The following CCT7 variants were observed in gnomAD, a reference collection of about 807,000 sequenced individuals.
CCT7 encodes chaperonin containing TCP1 subunit 7.
A neutral mutation model predicts 56.6 loss-of-function variants in CCT7; 16 were observed. The observed-to-expected ratio is 0.28, with a 90% CI of 0.19 to 0.43. CCT7 has a LOEUF of 0.43. Among genes scored for constraint, CCT7 ranks in the 20% least tolerant of loss-of-function variants. The pLI, the probability that CCT7 is intolerant of heterozygous loss-of-function variation, is 1.00. For missense variants in CCT7, 519 were observed against 685.6 expected (o/e 0.76, Z 2.71); for synonymous variants, 262 against 254.8 (o/e 1.03, Z -0.27).
chr2:73,239,985 C>A (rs934627473), intron 2 of CCT7, 189 bp downstream of exon 2: 5 of 547,106 alleles, frequency 9.1e-6, no homozygotes, highest in Admixed American at 7.0e-5. Flanking sequence ...TATGAGAGAA[C>A]CTAGGCTCAG....
intron 6 of CCT7, among the ~76,000 whole-genome samples, chr2:73,247,232 A>G (rs1687377257): frequency 6.6e-6 from 1 of 152,082 alleles, no homozygotes; most frequent in African/African-American, 2.4e-5. Context: ...CATCTTCTGG[A>G]GGGAGGAAGC....
At chr2:73,237,348 A>G (rs1397797504) in intron 1 of CCT7, among the ~76,000 whole-genome samples, 1 of 152,206 alleles carries the variant, frequency 6.6e-6, no homozygotes, top group Non-Finnish European at 1.5e-5. Context: ...ATACACAAGC[A>G]TTGGGTAAGT....
intron 7 of CCT7, among the ~76,000 whole-genome samples, chr2:73,248,563 C>T (rs1034200371): frequency 1.6e-4 from 24 of 152,080 alleles, no homozygotes; most frequent in Non-Finnish European, 2.5e-4. Context: ...CCATGTTGGC[C>T]AGGCTGGTCT....
intron 1 of CCT7, among the ~76,000 whole-genome samples, chr2:73,238,324 G>C (rs536567272): frequency 6.6e-6 from 1 of 152,320 alleles, no homozygotes; most frequent in East Asian, 1.9e-4. Context: ...TCTGGTTCCT[G>C]CCTGCCTCTT....
At chr2:73,242,953 C>T in intron 3 of CCT7, 51 bp from the exon 4 acceptor site, 1 of 1,609,430 alleles carries the variant, frequency 6.2e-7, no homozygotes, top group Non-Finnish European at 8.5e-7. Flanking sequence ...AGTTTCAGGG[C>T]TTTATTCCCT....
In CCT7 at chr2:73,252,665, T is replaced by C; in HGVS notation, c.1436T>C (p.Ile479Thr). The C allele has an allele frequency of 6.2e-7, 1 of 1,614,130 alleles. No homozygotes were observed. The highest frequency in any genetic ancestry group is 8.5e-7 in the Non-Finnish European group (1 of 1,179,968). The change falls in exon 12 of 12, where the codon ATC becomes ACC. Residue 479 changes from isoleucine to threonine, a missense_variant. Ile to Thr is a moderately conservative substitution (Grantham distance 89). Transcript: ENST00000258091. ...AQGGTWYGVD[I>T]NNEDIADNFE... ...GGGGGTACATGGTATGGAGTAGACATCAACAACGAGGACATTGCTGACAAC... is the reference window on the plus strand; with the variant it reads ...GGGGGTACATGGTATGGAGTAGACACCAACAACGAGGACATTGCTGACAAC...
chr2:73,251,394 A>G lies in CCT7; in HGVS notation c.1372A>G (p.Thr458Ala), dbSNP rs1475535841. The part of the protein sequence containing the change: ...QLCDNAGFDA[T>A]NILNKLRARH... ...GTGTGACAATGCTGGCTTTGATGCC[A>G]CAAACATTCTCAACAAGCTGCGGGC... Residue 458 changes from threonine to alanine, a missense_variant, in exon 11 of 12, where the codon ACA (threonine) becomes GCA (alanine). This residue lies in a region of CCT7 where 237 missense variants were observed against 300.8 expected (regional missense o/e 0.79). Coordinates refer to ENST00000258091, the MANE Select transcript of CCT7 (RefSeq NM_006429.4). 6.2e-7 allele frequency: 1 copy of G among 1,613,946 alleles called. No homozygotes were observed. Among genetic ancestry groups the G allele is most frequent in the East Asian group, 2.2e-5 (1 of 44,866 alleles).
At position 73,240,447 on chromosome 2, in the gene CCT7, A is replaced by G; in HGVS notation, c.171A>G (p.Thr57=). The G allele has an allele frequency of 2.5e-6, 4 of 1,610,720 alleles. No individual in the cohort carries two copies. Among genetic ancestry groups the G allele is most frequent in the Non-Finnish European group, 2.5e-6 (3 of 1,178,208 alleles). Residue 57 remains threonine, a synonymous_variant, in exon 3 of 12, where the codon ACA becomes ACG. Coordinates refer to ENST00000258091, the MANE Select transcript of CCT7 (RefSeq NM_006429.4). Reference sequence around the variant, plus strand: ...TTTGTTTCTTTTAAGGCAAAGCAACAATTTCTAATGATGGGGCCACAATTC... The same window carrying G: ...TTTGTTTCTTTTAAGGCAAAGCAACGATTTCTAATGATGGGGCCACAATTC... ...KLIVDGRGKA[T]ISNDGATILK...
Position 73,241,854 on chromosome 2 carries a change from C to A in CCT7, c.268-1150C>A, listed in dbSNP as rs371306644. On this transcript the variant is annotated intron_variant, in intron 3 of 11. Transcript: ENST00000258091. ...CTCCTGGGATCAAGCAATTCTCTTG[C>A]CTCAGCCTCCCGAGTAGCTGAGATT... Among the ~76,000 whole-genome samples the A allele has an allele frequency of 1.5e-4, 23 of 151,786 alleles. No homozygotes were observed. The East Asian group carries it at 4.5e-3, about 30-fold the overall frequency.
At position 73,249,803 on chromosome 2, in the gene CCT7, C is replaced by T. The variant is rs184247366; in HGVS notation, c.973-16C>T. 99 of 1,591,292 alleles carry T rather than the reference C, an allele frequency of 6.2e-5. No homozygotes were observed. In the Admixed American group the frequency reaches 1.2e-3, roughly 19 times the overall value. On this transcript the variant is annotated splice_polypyrimidine_tract_variant and intron_variant, in intron 8 of 11. Transcript: ENST00000258091. ...GGGAACCTTCACTGCTAGATCTTGC[C>T]TTCCTTGCTCCCTAGGCCTGTGGAG...
chr2:73,247,280 G>A (rs557891397), intron 6 of CCT7, among the ~76,000 whole-genome samples: 1 of 152,290 alleles, frequency 6.6e-6, no homozygotes, highest in East Asian at 1.9e-4. Flanking sequence ...GGGGTGTGGG[G>A]GTGGAGGGTG....
At chr2:73,236,648 A>G (rs1381901210) in intron 1 of CCT7, among the ~76,000 whole-genome samples, 1 of 152,054 alleles carries the variant, frequency 6.6e-6, no homozygotes, top group Non-Finnish European at 1.5e-5. Context: ...CTTGTTTCTT[A>G]TTTATTAGAG....
At chr2:73,246,210 ACTCAC>A (rs1558567227) in intron 6 of CCT7, among the ~76,000 whole-genome samples, 3 of 151,982 alleles carry the variant, frequency 2.0e-5, no homozygotes, top group African/African-American at 7.3e-5. Flanking sequence ...TATCTTTAGT[ACTCAC>A]CTCTCCTCTG....
chr2:73,251,459 A>AT, intron 11 of CCT7, 27 bp downstream of exon 11: 1 of 515,398 alleles, frequency 1.9e-6, no homozygotes, highest in Non-Finnish European at 3.7e-6. Context: ...CCCAGGGTTC[A>AT]GGGTTTGGGC....
intron 6 of CCT7, among the ~76,000 whole-genome samples, chr2:73,247,005 A>T (rs1481160427): frequency 2.0e-5 from 3 of 152,184 alleles, no homozygotes; most frequent in Non-Finnish European, 4.4e-5. Flanking sequence ...TAAGGAAAAG[A>T]TCTGAGATTG....
chr2:73,235,908 G>T (rs987902104), intron 1 of CCT7, among the ~76,000 whole-genome samples: 2 of 152,114 alleles, frequency 1.3e-5, no homozygotes, highest in African/African-American at 4.8e-5. Flanking sequence ...TTCACCAGTG[G>T]GCTCTAGATC....
chr2:73,244,065 G>GTT lies in CCT7; in HGVS notation c.446+32_446+33dup, dbSNP rs11289471. ...CAGATAAAGTGTAAGTCTGTAGTGG[G>GTT]TTTTTTTTTTTTTTTTTAAAGAGAC... On this transcript the variant is annotated intron_variant, in intron 5 of 11. Coordinates refer to ENST00000258091, the MANE Select transcript of CCT7 (RefSeq NM_006429.4). The GTT allele has an allele frequency of 4.0e-3, 5,693 of 1,416,786 alleles. No individual in the cohort carries two copies. The highest frequency in any genetic ancestry group is 6.6e-3 in the South Asian group (505 of 76,752). The allele number at this position is 1,416,786 out of a possible 1,614,324, so 87.8% of individuals were successfully genotyped here.
Position 73,248,031 on chromosome 2 carries a change from C to G in CCT7, c.783+105C>G, listed in dbSNP as rs556892501. 8.8e-5 allele frequency: 86 copies of G among 979,338 alleles called. No homozygotes were observed. In the African/African-American group the frequency reaches 1.3e-3, roughly 14 times the overall value. 60.7% of individuals were successfully genotyped at this position (979,338 alleles called of 1,614,324 possible). A position where few individuals can be genotyped will look rare whatever the true frequency, so the allele number is the denominator to read the frequency against. On this transcript the variant is annotated intron_variant, in intron 7 of 11. Coordinates refer to ENST00000258091, the MANE Select transcript of CCT7 (RefSeq NM_006429.4). The stretch of plus-strand genomic sequence containing the variant: ...TGGGCCCCTTTCTCTTCCTGCCCCC[C>G]TGAATATTGATGTCTAAGTACTAGG...
intron 6 of CCT7, among the ~76,000 whole-genome samples, chr2:73,245,093 T>C (rs761406565): frequency 2.6e-5 from 4 of 152,224 alleles, no homozygotes; most frequent in Non-Finnish European, 4.4e-5. Context: ...TTGCCCTTCT[T>C]TCATTCATTT....
Sources: allele counts gnomAD v4.1 joint callset (sites outside exome capture counted in the v4.1 genomes callset), GRCh38; gene constraint gnomAD v4.1.1; regional missense constraint gnomAD v4.1.1; transcripts MANE v1.5; gene names NCBI Gene and HGNC (gene_info 2026-07-23, HGNC 2026-07-21).